Variants in ASAP1 observed in about 807,000 individuals in gnomAD.
The protein encoded by ASAP1 is ArfGAP with SH3 domain, ankyrin repeat and PH domain 1.
ASAP1 carries 43 observed loss-of-function variants against 145.2 expected under a neutral mutation model. The observed-to-expected ratio is 0.30, with a 90% CI of 0.23 to 0.38. The LOEUF is 0.38. Ranked by LOEUF, ASAP1 falls within the 10% of genes least tolerant of loss-of-function variation. The pLI, the probability that ASAP1 is intolerant of heterozygous loss-of-function variation, is 1.00. For synonymous variants in ASAP1, 546 were observed against 515.5 expected (o/e 1.06, Z -0.80); for missense variants, 1,018 against 1,355.3 (o/e 0.75, Z 3.91).
At chr8:130,331,144 T>C (rs903523697) in intron 3 of ASAP1, among the ~76,000 whole-genome samples, 1 of 152,172 alleles carries the variant, frequency 6.6e-6, no homozygotes, top group African/African-American at 2.4e-5. Flanking sequence ...ACATATTAAA[T>C]GTCAGCTAAT....
At chr8:130,205,722 A>C (rs574745473) in intron 5 of ASAP1, among the ~76,000 whole-genome samples, 9 of 151,694 alleles carry the variant, frequency 5.9e-5, no homozygotes, top group Non-Finnish European at 1.2e-4. Flanking sequence ...CTTCATGTGA[A>C]TATTCAAGTT....
intron 5 of ASAP1, among the ~76,000 whole-genome samples, chr8:130,212,968 GC>G (rs1308199971): frequency 6.6e-6 from 1 of 152,196 alleles, no homozygotes; most frequent in East Asian, 1.9e-4. Flanking sequence ...TCCTGCCCAA[GC>G]AAGTCCTTTA....
At chr8:130,142,113 T>C (rs1249672682) in intron 13 of ASAP1, among the ~76,000 whole-genome samples, 1 of 152,192 alleles carries the variant, frequency 6.6e-6, no homozygotes, top group African/African-American at 2.4e-5. Flanking sequence ...TTCAGTTTCT[T>C]TTACTAAGTG....
At chr8:130,300,806 A>T (rs1036340090) in intron 3 of ASAP1, among the ~76,000 whole-genome samples, 1 of 152,210 alleles carries the variant, frequency 6.6e-6, no homozygotes, top group Admixed American at 6.5e-5. Flanking sequence ...CCTTTGGCCA[A>T]GAAAGAAGGA....
rs538692514 is a variant in ASAP1, at chr8:130,079,910, C to T, written c.2634G>A (p.Gln878=). The part of the protein sequence containing the change: ...KTTNKFEGLS[Q]QSSTSSAKTA... Reference sequence around the variant, plus strand: ...GCGCTGAGATGGCTTACCTCGACTGCTGGGATAGTCCCTCAAACTTGTTTG... The same window carrying T: ...GCGCTGAGATGGCTTACCTCGACTGTTGGGATAGTCCCTCAAACTTGTTTG... The change falls in exon 26 of 30, where the codon CAG becomes CAA. Residue 878 remains glutamine, a synonymous_variant. Coordinates refer to ENST00000518721, the MANE Select transcript of ASAP1 (RefSeq NM_018482.4). The T allele has an allele frequency of 2.5e-6, 4 of 1,614,090 alleles. No homozygotes were observed. The Admixed American group carries it at 6.7e-5, about 27-fold the overall frequency.
intron 8 of ASAP1, 131 bp from the exon 9 acceptor site, chr8:130,179,480 G>C (rs1439415827): frequency 1.8e-6 from 1 of 543,762 alleles, no homozygotes; most frequent in East Asian, 3.0e-5. Context: ...AGACAGTTTA[G>C]AGAATGCTGA....
chr8:130,394,976 A>G (rs1237547687), intron 2 of ASAP1, among the ~76,000 whole-genome samples: 1 of 152,210 alleles, frequency 6.6e-6, no homozygotes, highest in East Asian at 1.9e-4. Context: ...CCAGCTTTCC[A>G]ATCAAGGTAT....
chr8:130,052,121 A>G lies in ASAP1; in HGVS notation c.*2610T>C, dbSNP rs1018430145. 1.3e-5 allele frequency: 2 copies of G among 152,702 alleles called. No homozygotes were observed. Among genetic ancestry groups the G allele is most frequent in the African/African-American group, 2.4e-5 (1 of 41,474 alleles). 9.5% of individuals were successfully genotyped at this position (152,702 alleles called of 1,614,324 possible). A position where few individuals can be genotyped will look rare whatever the true frequency, so the allele number is the denominator to read the frequency against. ...TTCAGAAGTTTGGGATCAACTGAGA[A>G]TATGTTTATTTAAAAGCAATTTTAA... On this transcript the variant is annotated 3_prime_UTR_variant, in exon 30 of 30. Coordinates refer to ENST00000518721, the MANE Select transcript of ASAP1 (RefSeq NM_018482.4).
rs112245496 is a variant in ASAP1 at position 130,209,352 on chromosome 8, G to A, written c.405+5204C>T. ...ACACCAGTGGTTCTCAAAGTATGGC[G>A]CCTAGGCCCCTAGAGGTTCCCAAGG... is the stretch of plus-strand genomic sequence containing the variant. On this transcript the variant is annotated intron_variant, in intron 5 of 29. Coordinates refer to ENST00000518721, the MANE Select transcript of ASAP1 (RefSeq NM_018482.4). 6.9e-3 allele frequency among the ~76,000 whole-genome samples: 1,052 copies of A among 152,230 alleles called. 12 individuals are homozygous for A. The highest frequency in any genetic ancestry group is 0.024 in the African/African-American group (1,017 of 41,538).
chr8:130,424,495 C>A (rs1001172977), intron 1 of ASAP1, among the ~76,000 whole-genome samples: 1 of 152,212 alleles, frequency 6.6e-6, no homozygotes, highest in African/African-American at 2.4e-5. Context: ...CCAGAGGCTA[C>A]CTTGTAGGCT....
intron 7 of ASAP1, 75 bp downstream of exon 7, chr8:130,187,161 G>GTTT: frequency 2.5e-5 from 27 of 1,089,152 alleles, no homozygotes; most frequent in Admixed American, 5.2e-5. Context: ...TTCCAGTTAA[G>GTTT]TTTTTTTTTT....
intron 18 of ASAP1, among the ~76,000 whole-genome samples, chr8:130,122,230 A>G (rs1384931754): frequency 2.0e-5 from 3 of 152,110 alleles, no homozygotes. Context: ...CTGACTTTTT[A>G]ATTCCCTGTG....
intron 2 of ASAP1, among the ~76,000 whole-genome samples, chr8:130,370,039 G>A (rs149018755): frequency 1.5e-3 from 222 of 152,282 alleles, no homozygotes; most frequent in African/African-American, 5.1e-3. Context: ...AGTGGCTCAC[G>A]CCTGTAATCC....
intron 4 of ASAP1, among the ~76,000 whole-genome samples, chr8:130,226,318 G>T (rs909594225): frequency 1.3e-5 from 2 of 151,974 alleles, no homozygotes; most frequent in Non-Finnish European, 2.9e-5. Context: ...CTGGATTTGG[G>T]GTCTAAACTC....
At chr8:130,298,250 T>C (rs950449999) in intron 3 of ASAP1, among the ~76,000 whole-genome samples, 1 of 152,294 alleles carries the variant, frequency 6.6e-6, no homozygotes, top group East Asian at 1.9e-4. Flanking sequence ...TCCACAAACA[T>C]GCTTTGATTA....
At chr8:130,395,832 A>G (rs1450985765) in intron 2 of ASAP1, among the ~76,000 whole-genome samples, 1 of 151,954 alleles carries the variant, frequency 6.6e-6, no homozygotes, top group Non-Finnish European at 1.5e-5. Flanking sequence ...ACGCCCAGCT[A>G]ATTTTGTATT....
At chr8:130,352,367 C>T (rs749232049) in intron 3 of ASAP1, among the ~76,000 whole-genome samples, 1 of 152,124 alleles carries the variant, frequency 6.6e-6, no homozygotes, top group Non-Finnish European at 1.5e-5. Context: ...GCAAGGGGAG[C>T]TGACGAACAA....
intron 1 of ASAP1, among the ~76,000 whole-genome samples, chr8:130,414,670 C>A (rs1198049231): frequency 6.6e-6 from 1 of 152,096 alleles, no homozygotes; most frequent in African/African-American, 2.4e-5. Flanking sequence ...AGCCAAAGTA[C>A]ATGATCTATT....
chr8:130,160,321 T>G (rs971972676), intron 11 of ASAP1, among the ~76,000 whole-genome samples: 1 of 152,068 alleles, frequency 6.6e-6, no homozygotes, highest in African/African-American at 2.4e-5. Flanking sequence ...CTGGAAAAAA[T>G]GAAGTGGACC....
Sources: allele counts gnomAD v4.1 joint callset (sites outside exome capture counted in the v4.1 genomes callset), GRCh38; gene constraint gnomAD v4.1.1; transcripts MANE v1.5; gene names NCBI Gene and HGNC (gene_info 2026-07-23, HGNC 2026-07-21).